LRRC4C: variants seen among roughly 807,000 people sequenced by gnomAD.
LRRC4C encodes the protein leucine rich repeat containing 4C, also known as leucine-rich repeat-containing protein 4C.
Under a neutral mutation model 33.6 loss-of-function variants are expected in LRRC4C, and 5 were observed. That is an observed-to-expected ratio of 0.15 (90% CI 0.08 to 0.31). The LOEUF is 0.31. LRRC4C is among the 10% of genes least tolerant of loss of function. The pLI is 1.00. For synonymous variants in LRRC4C, 329 were observed against 302.0 expected, an observed-to-expected ratio of 1.09 and a Z score of -0.93; for missense variants, 560 against 796.7, an observed-to-expected ratio of 0.70 and a Z score of 3.58.
intron 6 of LRRC4C, among the ~76,000 whole-genome samples, chr11:40,117,133 C>T (rs934207332): frequency 3.3e-5 from 5 of 152,180 alleles, no homozygotes; most frequent in Admixed American, 1.3e-4. Context: ...CTCAGATGCT[C>T]ATTAGACTGA....
chr11:41,242,358 T>C (rs1402494852), intron 1 of LRRC4C, among the ~76,000 whole-genome samples: 2 of 152,146 alleles, frequency 1.3e-5, no homozygotes, highest in Non-Finnish European at 2.9e-5. Context: ...CCCTCTTTGC[T>C]TTGAAATTTT....
intron 1 of LRRC4C, among the ~76,000 whole-genome samples, chr11:40,954,934 G>GACAACCCTGGGA (rs1958892356): frequency 6.6e-6 from 1 of 151,790 alleles, no homozygotes; most frequent in Non-Finnish European, 1.5e-5. Flanking sequence ...ACTGGACTCA[G>GACAACCCTGGGA]ACAACCCTGG....
At chr11:40,300,875 C>T (rs1415325141) in intron 4 of LRRC4C, among the ~76,000 whole-genome samples, 1 of 152,196 alleles carries the variant, frequency 6.6e-6, no homozygotes, top group African/African-American at 2.4e-5. Flanking sequence ...AATCCTGGCT[C>T]ACTACAGCCT....
At chr11:40,803,188 T>C (rs956917250) in intron 2 of LRRC4C, among the ~76,000 whole-genome samples, 1 of 152,222 alleles carries the variant, frequency 6.6e-6, no homozygotes, top group Non-Finnish European at 1.5e-5. Context: ...TATTAACATA[T>C]TTAATTCATC....
At chr11:40,276,337 A>G (rs1943097305) in intron 4 of LRRC4C, among the ~76,000 whole-genome samples, 3 of 152,136 alleles carry the variant, frequency 2.0e-5, no homozygotes, top group Admixed American at 2.0e-4. Context: ...GACAGAAAGC[A>G]GTGGTTCGAA....
chr11:41,074,306 A>G (rs1203178085), intron 1 of LRRC4C, among the ~76,000 whole-genome samples: 1 of 152,184 alleles, frequency 6.6e-6, no homozygotes, highest in East Asian at 1.9e-4. Flanking sequence ...AAAACTTCTG[A>G]AGAAAATATA....
intron 3 of LRRC4C, among the ~76,000 whole-genome samples, chr11:40,346,105 T>G (rs1220161815): frequency 6.6e-6 from 1 of 151,800 alleles, no homozygotes; most frequent in Admixed American, 6.6e-5. Context: ...TTGGTGGGAG[T>G]GTAAATTAGT....
At chr11:41,366,793 A>C (rs1952561160) in intron 1 of LRRC4C, among the ~76,000 whole-genome samples, 1 of 152,168 alleles carries the variant, frequency 6.6e-6, no homozygotes, top group African/African-American at 2.4e-5. Context: ...AACTGGAGGA[A>C]GAAATCTATC....
intron 1 of LRRC4C, among the ~76,000 whole-genome samples, chr11:41,245,779 CAAGTGGA>C (rs1948427038): frequency 6.6e-6 from 1 of 152,160 alleles, no homozygotes; most frequent in Non-Finnish European, 1.5e-5. Flanking sequence ...GGTACGCGGA[CAAGTGGA>C]GGGTGGAGGG....
At chr11:40,460,810 T>C (rs1168517252) in intron 3 of LRRC4C, among the ~76,000 whole-genome samples, 1 of 152,116 alleles carries the variant, frequency 6.6e-6, no homozygotes, top group Non-Finnish European at 1.5e-5. Context: ...AGAGACTTGA[T>C]TGTGAGTGAC....
chr11:41,226,757 C>T (rs1253933203), intron 1 of LRRC4C, among the ~76,000 whole-genome samples: 1 of 151,518 alleles, frequency 6.6e-6, no homozygotes, highest in African/African-American at 2.4e-5. Flanking sequence ...CACACACACA[C>T]ACACACACAC....
intron 1 of LRRC4C, among the ~76,000 whole-genome samples, chr11:41,376,480 G>A (rs1363185269): frequency 1.3e-5 from 2 of 152,142 alleles, no homozygotes; most frequent in African/African-American, 2.4e-5. Flanking sequence ...CCCAGGCAGT[G>A]ATTATCCTAT....
intron 2 of LRRC4C, among the ~76,000 whole-genome samples, chr11:40,908,014 T>C (rs910878749): frequency 6.6e-6 from 1 of 152,188 alleles, no homozygotes; most frequent in Non-Finnish European, 1.5e-5. Context: ...TTGTTGTTAC[T>C]TAATCAGACA....
At chr11:40,790,570 G>A (rs1348180402) in intron 2 of LRRC4C, among the ~76,000 whole-genome samples, 1 of 152,286 alleles carries the variant, frequency 6.6e-6, no homozygotes, top group Admixed American at 6.5e-5. Context: ...TGTTGCTCTA[G>A]CCAGAAGCAG....
intron 1 of LRRC4C, among the ~76,000 whole-genome samples, chr11:41,000,019 A>G (rs1380655562): frequency 1.3e-5 from 2 of 152,166 alleles, no homozygotes; most frequent in Admixed American, 1.3e-4. Context: ...GTGAGAAAAC[A>G]TTAAGCTATG....
chr11:41,281,428 G>A (rs763608689), intron 1 of LRRC4C, among the ~76,000 whole-genome samples: 8 of 152,234 alleles, frequency 5.3e-5, no homozygotes, highest in South Asian at 2.1e-4. Flanking sequence ...TCAGTCTTCC[G>A]TTAGAAATGG....
At chr11:40,302,235 T>C (rs541778456) in intron 4 of LRRC4C, among the ~76,000 whole-genome samples, 2 of 152,320 alleles carry the variant, frequency 1.3e-5, no homozygotes, top group South Asian at 4.1e-4. Context: ...AACCTTCAAT[T>C]GACAATCTTG....
intron 5 of LRRC4C, among the ~76,000 whole-genome samples, chr11:40,172,745 G>A (rs183352254): frequency 1.1e-4 from 17 of 152,070 alleles, no homozygotes; most frequent in Admixed American, 9.8e-4. Flanking sequence ...TCATTTAATG[G>A]CACCATCACT....
intron 1 of LRRC4C, among the ~76,000 whole-genome samples, chr11:41,240,821 G>A (rs373288537): frequency 6.6e-6 from 1 of 151,772 alleles, no homozygotes; most frequent in Admixed American, 6.6e-5. Flanking sequence ...TAACACACAC[G>A]CACACACACA....
Sources: gnomAD v4.1 joint callset for allele counts (sites outside exome capture counted in the v4.1 genomes callset) on GRCh38, gnomAD v4.1.1 for gene constraint, MANE v1.5 for transcripts, NCBI Gene and HGNC (gene_info 2026-07-23, HGNC 2026-07-21) for gene names.